Variants in CEP83 observed in about 807,000 individuals in gnomAD.
The protein encoded by CEP83 is centrosomal protein 83.
In CEP83, 70 loss-of-function variants were observed where a neutral mutation model predicts 101.9. That is an observed-to-expected ratio of 0.69 (90% CI 0.57 to 0.84). The LOEUF is 0.84. CEP83 is among the 40% of genes least tolerant of loss of function. CEP83 has a pLI of 0.00. For missense variants in CEP83, 715 were observed against 787.2 expected, an observed-to-expected ratio of 0.91 and a Z score of 1.10; for synonymous variants, 264 against 267.9, an observed-to-expected ratio of 0.99 and a Z score of 0.14.
At chr12:94,373,056 TTCTGC>T (rs979082566) in intron 8 of CEP83, among the ~76,000 whole-genome samples, 3 of 152,316 alleles carry the variant, frequency 2.0e-5, no homozygotes, top group African/African-American at 7.2e-5. Flanking sequence ...TAAAGTTTCT[TTCTGC>T]CCCTAGATCC....
intron 2 of CEP83, among the ~76,000 whole-genome samples, chr12:94,417,693 G>A (rs189008174): frequency 6.6e-6 from 1 of 152,222 alleles, no homozygotes; most frequent in African/African-American, 2.4e-5. Context: ...GGAGGCTGAG[G>A]CAGGAGAACG....
At chr12:94,417,461 A>G (rs1276646907) in intron 2 of CEP83, among the ~76,000 whole-genome samples, 2 of 152,148 alleles carry the variant, frequency 1.3e-5, no homozygotes, top group Non-Finnish European at 2.9e-5. Context: ...AATCCACAAT[A>G]TTATAATATC....
chr12:94,293,172 G>C, the CEP83 span, among the ~76,000 whole-genome samples: 40 of 152,120 alleles, frequency 2.6e-4, 1 homozygote, highest in Non-Finnish European at 5.0e-4. Context: ...ACAGTAGTTT[G>C]CTCATTTTCA....
downstream of CEP83, among the ~76,000 whole-genome samples, chr12:94,302,383 T>C (rs1410250033): frequency 1.3e-5 from 2 of 148,526 alleles, no homozygotes; most frequent in Admixed American, 1.3e-4. Flanking sequence ...TTTTATTCAT[T>C]CGACAAATAT....
the CEP83 span, among the ~76,000 whole-genome samples, chr12:94,277,511 A>G: frequency 2.6e-5 from 4 of 152,208 alleles, no homozygotes; most frequent in African/African-American, 7.2e-5. Flanking sequence ...TACTGTTGTT[A>G]TGCCCTCTTT....
intron 11 of CEP83, among the ~76,000 whole-genome samples, chr12:94,341,147 T>C (rs1271617951): frequency 1.3e-5 from 2 of 152,160 alleles, no homozygotes; most frequent in Admixed American, 1.3e-4. Flanking sequence ...CCTTTTGAAA[T>C]ACAGTACTTT....
chr12:94,326,881 TCTGA>T (rs1374804029), intron 14 of CEP83, among the ~76,000 whole-genome samples: 1 of 152,216 alleles, frequency 6.6e-6, no homozygotes, highest in East Asian at 1.9e-4. Context: ...CTGCTGGCAC[TCTGA>T]CTGTAGATTT....
At chr12:94,322,367 C>T (rs1593142664) in intron 14 of CEP83, among the ~76,000 whole-genome samples, 1 of 151,520 alleles carries the variant, frequency 6.6e-6, no homozygotes, top group Non-Finnish European at 1.5e-5. Flanking sequence ...GGCTGGAAAC[C>T]CTGGTCAAAA....
At chr12:94,300,850 A>G in the CEP83 span, 1 of 1,523,366 alleles carries the variant, frequency 6.6e-7, no homozygotes, top group Non-Finnish European at 9.0e-7. Context: ...ACTGTGATAA[A>G]CAGACCATTG....
At chr12:94,423,940 T>G (rs1400224824) in intron 2 of CEP83, 2 of 1,612,144 alleles carry the variant, frequency 1.2e-6, no homozygotes, top group Middle Eastern at 1.7e-4. Flanking sequence ...GATGGCCCAG[T>G]TGCTGGGTAA....
chr12:94,427,408 A>G (rs1033524994), intron 2 of CEP83, among the ~76,000 whole-genome samples: 9 of 152,332 alleles, frequency 5.9e-5, no homozygotes, highest in African/African-American at 2.2e-4. Context: ...AGACTAGTAC[A>G]ACCTTTTTCC....
chr12:94,446,160 C>T (rs565036380), intron 1 of CEP83, among the ~76,000 whole-genome samples: 13 of 152,318 alleles, frequency 8.5e-5, no homozygotes, highest in African/African-American at 3.1e-4. Context: ...TTGTCACTCA[C>T]TGGTTCACCA....
chr12:94,449,796 A>T (rs993102675), intron 1 of CEP83, among the ~76,000 whole-genome samples: 1 of 140,930 alleles, frequency 7.1e-6, no homozygotes, highest in Non-Finnish European at 1.6e-5. Context: ...AAAAAAAAAA[A>T]AAAAAAAAAA....
the CEP83 span, among the ~76,000 whole-genome samples, chr12:94,285,174 G>A: frequency 1.3e-5 from 2 of 152,186 alleles, no homozygotes; most frequent in African/African-American, 4.8e-5. Context: ...GACAGGAGGA[G>A]GAGCAGCTTC....
intron 1 of CEP83, among the ~76,000 whole-genome samples, chr12:94,459,024 C>A (rs972610252): frequency 1.3e-5 from 2 of 152,120 alleles, no homozygotes; most frequent in African/African-American, 4.8e-5. Context: ...ATCATATACA[C>A]GAAATTCAGA....
intron 1 of CEP83, among the ~76,000 whole-genome samples, chr12:94,444,733 C>A (rs2066671911): frequency 6.6e-6 from 1 of 151,948 alleles, no homozygotes; most frequent in Non-Finnish European, 1.5e-5. Flanking sequence ...TGTGGTGGCT[C>A]ATGCCCGTAA....
intron 2 of CEP83, among the ~76,000 whole-genome samples, chr12:94,425,587 C>T (rs541935080): frequency 3.9e-5 from 6 of 152,242 alleles, no homozygotes; most frequent in East Asian, 1.9e-4. Flanking sequence ...ACCCATCTGT[C>T]GTGTGGGTAA....
intron 2 of CEP83, chr12:94,425,003 G>C (rs2065077894): frequency 8.3e-7 from 1 of 1,208,278 alleles, no homozygotes; most frequent in South Asian, 1.2e-5. Context: ...GTGAGAGAGA[G>C]AGAGAGAGAG....
chr12:94,282,460 C>T, the CEP83 span: 1 of 1,144,558 alleles, frequency 8.7e-7, no homozygotes, highest in Admixed American at 1.9e-5. Context: ...GTCCCATGGA[C>T]ATTCTTTTAA....
Sources: allele counts gnomAD v4.1 joint callset (sites outside exome capture counted in the v4.1 genomes callset), GRCh38; gene constraint gnomAD v4.1.1; transcripts MANE v1.5; gene names NCBI Gene and HGNC (gene_info 2026-07-23, HGNC 2026-07-21).